The following SAMD5 variants were observed in gnomAD, a reference collection of about 807,000 sequenced individuals.
SAMD5 encodes sterile alpha motif domain containing 5.
Under a neutral mutation model 11.3 loss-of-function variants are expected in SAMD5, and 13 were observed. The observed-to-expected ratio is 1.15, with a 90% CI of 0.75 to 1.83. The LOEUF (loss-of-function observed/expected upper bound fraction) is 1.83, where lower values mean the gene tolerates loss of function less well. SAMD5 is among the 40% of genes most tolerant of loss of function. SAMD5 has a pLI of 0.00. For synonymous variants in SAMD5, 129 were observed against 111.3 expected (o/e 1.16, Z -1.00); for missense variants, 255 against 239.1 (o/e 1.07, Z -0.44).
At chr6:147,730,404 A>G (rs1004278452) in intron 1 of SAMD5, among the ~76,000 whole-genome samples, 1 of 152,266 alleles carries the variant, frequency 6.6e-6, no homozygotes, top group South Asian at 2.1e-4. Flanking sequence ...CCAGTAAGAT[A>G]AGCTGTAAGT....
At chr6:147,719,233 A>G (rs939324959) in intron 1 of SAMD5, among the ~76,000 whole-genome samples, 1 of 152,258 alleles carries the variant, frequency 6.6e-6, no homozygotes, top group Admixed American at 6.5e-5. Flanking sequence ...GGAAACAGGT[A>G]CCAGAATATC....
chr6:147,835,428 G>A, the SAMD5 span, among the ~76,000 whole-genome samples: 1 of 151,946 alleles, frequency 6.6e-6, no homozygotes, highest in Admixed American at 6.6e-5. Context: ...CAATTACGGA[G>A]GAGCCTTTCT....
At chr6:147,851,481 T>A in the SAMD5 span, among the ~76,000 whole-genome samples, 1 of 152,166 alleles carries the variant, frequency 6.6e-6, no homozygotes, top group Non-Finnish European at 1.5e-5. Flanking sequence ...CACAGAATCA[T>A]CTTTGAAAGG....
chr6:147,610,295 A>C (rs1296319990), intron 1 of SAMD5, among the ~76,000 whole-genome samples: 2 of 152,112 alleles, frequency 1.3e-5, no homozygotes, highest in Admixed American at 6.5e-5. Flanking sequence ...GATCTACCCC[A>C]TTGATGTAAA....
At chr6:147,756,165 G>T in the SAMD5 span, among the ~76,000 whole-genome samples, 1 of 152,078 alleles carries the variant, frequency 6.6e-6, no homozygotes, top group Non-Finnish European at 1.5e-5. Context: ...CAGTCAAAGA[G>T]TTGCTGTAAT....
chr6:147,731,886 C>T (rs1791720955), intron 1 of SAMD5, among the ~76,000 whole-genome samples: 1 of 152,040 alleles, frequency 6.6e-6, no homozygotes, highest in Admixed American at 6.6e-5. Flanking sequence ...GGGGCAAGAC[C>T]TGTGCACTTA....
At chr6:147,796,726 A>G in the SAMD5 span, among the ~76,000 whole-genome samples, 434 of 151,980 alleles carry the variant, frequency 2.9e-3, 2 homozygotes, top group African/African-American at 0.01. Context: ...ATTTGTTTGT[A>G]TCCTCTTTTA....
At position 147,568,277 on chromosome 6, in the gene SAMD5, A is replaced by C; in HGVS notation, c.*3821A>C. ...GGAAAGCACCTGCTTGAAAATTGAT[A>C]TGAGCATGTCTGAATTTTTCCCTTA... On this transcript the variant is annotated 3_prime_UTR_variant, in exon 2 of 2. Coordinates refer to ENST00000367474, the MANE Select transcript of SAMD5 (RefSeq NM_001030060.3). 12 of 985,356 alleles carry C rather than the reference A, an allele frequency of 1.2e-5. No individual in the cohort carries two copies. The highest frequency in any genetic ancestry group is 1.4e-5 in the Non-Finnish European group (12 of 829,862). 61.0% of individuals were successfully genotyped at this position (985,356 alleles called of 1,614,324 possible). A position where few individuals can be genotyped will look rare whatever the true frequency, so the allele number is the denominator to read the frequency against.
At chr6:147,634,256 A>G (rs1274282516) in intron 1 of SAMD5, among the ~76,000 whole-genome samples, 1 of 152,172 alleles carries the variant, frequency 6.6e-6, no homozygotes, top group African/African-American at 2.4e-5. Context: ...GGGAGGCCTT[A>G]GGAAACTTAC....
At chr6:147,878,684 T>TA in the SAMD5 span, among the ~76,000 whole-genome samples, 138 of 150,620 alleles carry the variant, frequency 9.2e-4, no homozygotes, top group African/African-American at 3.2e-3. Context: ...TGTAGATATA[T>TA]TATCTAGTGT....
the SAMD5 span, among the ~76,000 whole-genome samples, chr6:147,903,965 T>C: frequency 1.3e-5 from 2 of 152,116 alleles, no homozygotes; most frequent in Non-Finnish European, 2.9e-5. Flanking sequence ...GCATTGTGAA[T>C]TTCCAAGGTG....
chr6:147,950,628 C>T, the SAMD5 span, among the ~76,000 whole-genome samples: 1 of 152,186 alleles, frequency 6.6e-6, no homozygotes. Flanking sequence ...TCCTAATGGG[C>T]ACAGTGGAAA....
At chr6:147,873,609 C>T in the SAMD5 span, among the ~76,000 whole-genome samples, 113 of 152,094 alleles carry the variant, frequency 7.4e-4, 1 homozygote, top group Non-Finnish European at 1.3e-4. Context: ...CGTACTAATG[C>T]TAATGGTACT....
At chr6:147,875,794 T>C in the SAMD5 span, among the ~76,000 whole-genome samples, 2 of 152,172 alleles carry the variant, frequency 1.3e-5, no homozygotes, top group African/African-American at 4.8e-5. Flanking sequence ...TGCCTGATGA[T>C]CTGTCACCAT....
At chr6:147,808,284 C>T in the SAMD5 span, among the ~76,000 whole-genome samples, 1 of 152,192 alleles carries the variant, frequency 6.6e-6, no homozygotes, top group African/African-American at 2.4e-5. Context: ...CTCACTGCAG[C>T]CTTGAACTTC....
At chr6:147,876,813 A>G in the SAMD5 span, among the ~76,000 whole-genome samples, 1 of 152,208 alleles carries the variant, frequency 6.6e-6, no homozygotes, top group Non-Finnish European at 1.5e-5. Context: ...TAGCCAGGCA[A>G]TTATGGGTGA....
intron 1 of SAMD5, among the ~76,000 whole-genome samples, chr6:147,520,117 G>GTTTT (rs10632543): frequency 1.8e-4 from 25 of 136,842 alleles, no homozygotes; most frequent in African/African-American, 5.5e-4. Context: ...GAACTTTATA[G>GTTTT]TTTTTTTTTT....
chr6:147,725,420 G>A (rs1230285121), intron 1 of SAMD5, among the ~76,000 whole-genome samples: 1 of 142,136 alleles, frequency 7.0e-6, no homozygotes, highest in Non-Finnish European at 1.5e-5. Context: ...ACCGAGTCTA[G>A]CTCTGTCACC....
chr6:147,926,255 A>G, the SAMD5 span, among the ~76,000 whole-genome samples: 3 of 152,200 alleles, frequency 2.0e-5, no homozygotes, highest in African/African-American at 7.2e-5. Flanking sequence ...TCACTGAAGA[A>G]TTGTCACACT....
Sources: allele counts gnomAD v4.1 joint callset (sites outside exome capture counted in the v4.1 genomes callset), GRCh38; gene constraint gnomAD v4.1.1; transcripts MANE v1.5; gene names NCBI Gene and HGNC (gene_info 2026-07-23, HGNC 2026-07-21).